AGBL1: variants seen among roughly 807,000 people sequenced by gnomAD.
AGBL1 encodes AGBL carboxypeptidase 1.
A neutral mutation model predicts 118.9 loss-of-function variants in AGBL1; 130 were observed. The ratio of observed to expected loss-of-function variants is 1.09; its 90% CI spans 0.95 to 1.26. The LOEUF is 1.26. Ranked by LOEUF, AGBL1 falls within the 50% of genes most tolerant of loss-of-function variation. The pLI, the probability that AGBL1 is intolerant of heterozygous loss-of-function variation, is 0.00. For synonymous variants in AGBL1, 555 were observed against 478.9 expected, an observed-to-expected ratio of 1.16 and a Z score of -2.08; for missense variants, 1,584 against 1,298.1, an observed-to-expected ratio of 1.22 and a Z score of -3.38.
At chr15:86,627,250 T>C (rs755342976) in intron 21 of AGBL1, among the ~76,000 whole-genome samples, 9 of 152,182 alleles carry the variant, frequency 5.9e-5, no homozygotes, top group Non-Finnish European at 1.2e-4. Flanking sequence ...TTCGCCCACC[T>C]CAGCCTCCCA....
At chr15:86,626,988 C>A (rs989885143) in intron 21 of AGBL1, among the ~76,000 whole-genome samples, 2 of 151,336 alleles carry the variant, frequency 1.3e-5, no homozygotes, top group Non-Finnish European at 2.9e-5. Flanking sequence ...CAGGTGCCTG[C>A]CACAACGACC....
intron 23 of AGBL1, among the ~76,000 whole-genome samples, chr15:86,958,663 A>G (rs1178097186): frequency 6.6e-6 from 1 of 152,202 alleles, no homozygotes; most frequent in Non-Finnish European, 1.5e-5. Context: ...AAAGCAATAT[A>G]TAATTTTTTA....
chr15:87,027,658 G>A (rs543371175), intron 24 of AGBL1, among the ~76,000 whole-genome samples: 1 of 151,890 alleles, frequency 6.6e-6, no homozygotes, highest in African/African-American at 2.4e-5. Context: ...ATAGACTGGA[G>A]AAAGAAAATG....
At chr15:86,429,374 A>C (rs1458315808) in intron 18 of AGBL1, among the ~76,000 whole-genome samples, 1 of 152,250 alleles carries the variant, frequency 6.6e-6, no homozygotes, top group African/African-American at 2.4e-5. Context: ...CCACCTTAGC[A>C]ACATGGACGT....
intron 18 of AGBL1, among the ~76,000 whole-genome samples, chr15:86,512,669 G>A (rs937005839): frequency 5.3e-5 from 8 of 151,592 alleles, no homozygotes; most frequent in Non-Finnish European, 7.4e-5. Flanking sequence ...TTATTCATAT[G>A]TTAGATGTTC....
chr15:86,912,988 T>C lies in AGBL1; in HGVS notation c.*5694T>C, dbSNP rs1435224919. Reference sequence around the variant, plus strand: ...TTTGTTTGTGTTGCAGTTTGGTTCATGCTACCAATGCTTGATAAAAAGTGT... The same window carrying C: ...TTTGTTTGTGTTGCAGTTTGGTTCACGCTACCAATGCTTGATAAAAAGTGT... On this transcript the variant is annotated 3_prime_UTR_variant, in exon 23 of 23. Coordinates refer to ENST00000614907, the MANE Select transcript of AGBL1 (RefSeq NM_001386094.1). 1 of 152,142 alleles carries C rather than the reference T, an allele frequency of 6.6e-6. No individual in the cohort carries two copies. Among genetic ancestry groups the C allele is most frequent in the African/African-American group, 2.4e-5 (1 of 41,430 alleles). The allele number at this position is 152,142 out of a possible 1,614,324, so 9.4% of individuals were successfully genotyped here.
At position 86,772,345 on chromosome 15, in the gene AGBL1, A is replaced by G. The variant is rs141175968; in HGVS notation, c.3158+97909A>G. On this transcript the variant is annotated intron_variant, in intron 22 of 22. Transcript: ENST00000614907. ...AGCACCAGTATAAATAATCTCTAAG[A>G]TGTTTCTGTGTGGGAAACCTATAAG... 2.6e-4 allele frequency among the ~76,000 whole-genome samples: 40 copies of G among 152,162 alleles called. No homozygotes were observed. The East Asian group carries it at 3.7e-3, about 14-fold the overall frequency.
At chr15:86,353,184 A>C (rs1240523661) in intron 17 of AGBL1, among the ~76,000 whole-genome samples, 1 of 152,202 alleles carries the variant, frequency 6.6e-6, no homozygotes, top group Non-Finnish European at 1.5e-5. Flanking sequence ...CTTTGCAGAA[A>C]AGCTGAGTGA....
intron 19 of AGBL1, among the ~76,000 whole-genome samples, chr15:86,528,254 C>G (rs913357658): frequency 1.1e-4 from 16 of 152,176 alleles, no homozygotes; most frequent in Non-Finnish European, 1.9e-4. Context: ...GGTGCACGCA[C>G]CGGGCGCGAA....
intron 7 of AGBL1, among the ~76,000 whole-genome samples, chr15:86,249,827 C>T (rs1052428986): frequency 7.9e-5 from 12 of 152,186 alleles, no homozygotes; most frequent in African/African-American, 2.7e-4. Context: ...GAAATGTCTA[C>T]GATAGAAAGG....
At chr15:86,704,515 A>T (rs2086414391) in intron 22 of AGBL1, among the ~76,000 whole-genome samples, 1 of 152,212 alleles carries the variant, frequency 6.6e-6, no homozygotes, top group African/African-American at 2.4e-5. Context: ...TTATGTGGCC[A>T]ACAAACATAT....
chr15:86,831,391 C>G (rs904948482), intron 22 of AGBL1, among the ~76,000 whole-genome samples: 1 of 152,194 alleles, frequency 6.6e-6, no homozygotes, highest in African/African-American at 2.4e-5. Context: ...TGAGACAAGA[C>G]AAGTCCCTTC....
chr15:86,894,033 A>G (rs1334751210), intron 22 of AGBL1, among the ~76,000 whole-genome samples: 1 of 152,090 alleles, frequency 6.6e-6, no homozygotes, highest in Non-Finnish European at 1.5e-5. Context: ...TCTGATTTAT[A>G]TTTTGCCCCT....
intron 5 of AGBL1, among the ~76,000 whole-genome samples, chr15:86,217,252 G>A (rs4389119): frequency 0.71 from 108,053 of 152,098 alleles, 39,432 homozygotes; most frequent in African/African-American, 0.87. Flanking sequence ...TGGTTTATCA[G>A]TTTGTCTTGA....
intron 21 of AGBL1, among the ~76,000 whole-genome samples, chr15:86,596,528 C>A (rs1596299456): frequency 6.6e-6 from 1 of 152,296 alleles, no homozygotes; most frequent in East Asian, 1.9e-4. Flanking sequence ...TACATCTCCT[C>A]ATTCACTGCT....
At chr15:86,604,956 C>T (rs112535317) in intron 21 of AGBL1, among the ~76,000 whole-genome samples, 2,007 of 151,732 alleles carry the variant, frequency 0.013, 47 homozygotes, top group African/African-American at 0.043. Context: ...CCACCACGCC[C>T]GGCTAATTTT....
chr15:86,460,122 T>C (rs920019709), intron 18 of AGBL1, among the ~76,000 whole-genome samples: 1 of 151,818 alleles, frequency 6.6e-6, no homozygotes, highest in Non-Finnish European at 1.5e-5. Context: ...CAATTTGGTC[T>C]CCTGGTCTTA....
At chr15:86,989,243 A>G (rs1197890597) in intron 24 of AGBL1, among the ~76,000 whole-genome samples, 1 of 152,028 alleles carries the variant, frequency 6.6e-6, no homozygotes, top group South Asian at 2.1e-4. Flanking sequence ...TCAAGTTATC[A>G]TCTTACCTTG....
rs1305603139 is a variant in AGBL1, at chr15:86,909,989, A to G, written c.*2695A>G. ...CTAACTGTGGGTCATGCACTTTACT[A>G]AGCTCTACGGATGCAGATAAGAAAG... On this transcript the variant is annotated 3_prime_UTR_variant, in exon 23 of 23. Transcript: ENST00000614907. The G allele has an allele frequency of 2.0e-5, 3 of 152,250 alleles. No homozygotes were observed. The highest frequency in any genetic ancestry group is 7.2e-5 in the African/African-American group (3 of 41,462). The allele number at this position is 152,250 out of a possible 1,614,324, so 9.4% of individuals were successfully genotyped here.
Sources: allele counts gnomAD v4.1 joint callset (sites outside exome capture counted in the v4.1 genomes callset), GRCh38; gene constraint gnomAD v4.1.1; transcripts MANE v1.5; gene names NCBI Gene and HGNC (gene_info 2026-07-23, HGNC 2026-07-21).